Variants in CSMD1 observed in about 807,000 individuals in gnomAD.
CSMD1 encodes the protein CUB and Sushi multiple domains 1.
A neutral mutation model predicts 417.5 loss-of-function variants in CSMD1; 213 were observed. That is an observed-to-expected ratio of 0.51 (90% CI 0.46 to 0.57). The LOEUF (loss-of-function observed/expected upper bound fraction) is 0.57. Ranked by LOEUF, CSMD1 falls within the 20% of genes least tolerant of loss-of-function variation. The pLI, the probability that CSMD1 is intolerant of heterozygous loss-of-function variation, is 0.00. For missense variants in CSMD1, 6,923 were observed against 4,529.7 expected (o/e 1.53, Z -15.17); for synonymous variants, 2,862 against 1,736.8 (o/e 1.65, Z -16.11).
rs572327293 is a variant in CSMD1, at chr8:3,704,145, A to T, written c.1009+4269T>A. On this transcript the variant is annotated intron_variant, in intron 7 of 69. Coordinates refer to ENST00000635120, the MANE Select transcript of CSMD1 (RefSeq NM_033225.6). ...CAGTCCTCCATCACTGTGGCAGAAG[A>T]AAAAAACCAGTCAGTTAGACAGTGA... Among the ~76,000 whole-genome samples, 21 of 152,250 alleles carry T rather than the reference A, an allele frequency of 1.4e-4. No individual in the cohort carries two copies. In the South Asian group the frequency reaches 2.9e-3, roughly 21 times the overall value.
chr8:3,841,585 T>C (rs1377591338), intron 5 of CSMD1, among the ~76,000 whole-genome samples: 1 of 152,048 alleles, frequency 6.6e-6, no homozygotes. Context: ...AATCACCAAA[T>C]ATTAGCACTA....
chr8:4,825,880 T>G (rs561826793), intron 1 of CSMD1, among the ~76,000 whole-genome samples: 7 of 150,806 alleles, frequency 4.6e-5, no homozygotes, highest in Non-Finnish European at 1.0e-4. Context: ...AATAAGCACA[T>G]GAAAAGGTGC....
At chr8:3,695,952 A>G (rs1046686848) in intron 7 of CSMD1, among the ~76,000 whole-genome samples, 2 of 152,206 alleles carry the variant, frequency 1.3e-5, no homozygotes, top group Admixed American at 6.5e-5. Context: ...CAGACCTTCC[A>G]AAAACTACAC....
At chr8:4,349,983 G>A (rs935337967) in intron 3 of CSMD1, among the ~76,000 whole-genome samples, 8 of 152,048 alleles carry the variant, frequency 5.3e-5, no homozygotes, top group Non-Finnish European at 1.2e-4. Context: ...GGGATCCAAA[G>A]TAATAGCTTT....
chr8:3,949,365 C>T (rs760797653), intron 5 of CSMD1, among the ~76,000 whole-genome samples: 1 of 152,168 alleles, frequency 6.6e-6, no homozygotes, highest in African/African-American at 2.4e-5. Flanking sequence ...CTCAATCTCA[C>T]AGTCCCTGGA....
At chr8:4,843,288 A>G (rs1800945727) in intron 1 of CSMD1, among the ~76,000 whole-genome samples, 1 of 152,154 alleles carries the variant, frequency 6.6e-6, no homozygotes, top group South Asian at 2.1e-4. Context: ...ATGGCCCAGT[A>G]CTTGTACCAG....
chr8:3,589,386 GT>G (rs1800746295), intron 8 of CSMD1, among the ~76,000 whole-genome samples: 4 of 146,590 alleles, frequency 2.7e-5, no homozygotes, highest in African/African-American at 1.1e-4. Context: ...TGTGGTGTGT[GT>G]GTGTGTGTGT....
At chr8:3,418,097 A>G (rs751804730) in intron 12 of CSMD1, among the ~76,000 whole-genome samples, 13 of 152,188 alleles carry the variant, frequency 8.5e-5, no homozygotes, top group Non-Finnish European at 1.0e-4. Context: ...ATGAAATACC[A>G]TGTTTGCTTT....
chr8:4,350,220 C>A (rs1041315565), intron 3 of CSMD1, among the ~76,000 whole-genome samples: 1 of 152,208 alleles, frequency 6.6e-6, no homozygotes, highest in Non-Finnish European at 1.5e-5. Context: ...GTCAAGCGTC[C>A]AGGCACCTGC....
chr8:4,283,382 G>A (rs1796894479), intron 3 of CSMD1, among the ~76,000 whole-genome samples: 1 of 152,160 alleles, frequency 6.6e-6, no homozygotes, highest in African/African-American at 2.4e-5. Flanking sequence ...AAGGGTATGT[G>A]TGCCATGAAG....
intron 2 of CSMD1, among the ~76,000 whole-genome samples, chr8:4,625,394 G>A (rs1802037562): frequency 1.3e-5 from 2 of 152,054 alleles, no homozygotes; most frequent in Non-Finnish European, 2.9e-5. Context: ...TAAGAAACAT[G>A]CACTGCATTT....
intron 49 of CSMD1, among the ~76,000 whole-genome samples, chr8:3,072,452 G>C (rs1399327747): frequency 1.3e-5 from 2 of 152,086 alleles, no homozygotes; most frequent in African/African-American, 4.8e-5. Flanking sequence ...ATGCCAAGGA[G>C]GTATTATTTT....
rs562009706 is a variant in CSMD1, at chr8:4,243,995, C to T, written c.415+175958G>A. ...GGGTTACAGTGGCAGAATTTCAGTC[C>T]CTGCCATGGAGTGGGAAGCTGCATT... On this transcript the variant is annotated intron_variant, in intron 3 of 69. Transcript: ENST00000635120. Among the ~76,000 whole-genome samples the T allele has an allele frequency of 1.2e-3, 181 of 152,228 alleles. 1 individual carries two copies. The highest frequency in any genetic ancestry group is 6.9e-4 in the Non-Finnish European group (47 of 68,032).
intron 50 of CSMD1, among the ~76,000 whole-genome samples, chr8:3,038,718 T>A (rs1023582421): frequency 2.6e-5 from 4 of 152,232 alleles, no homozygotes; most frequent in African/African-American, 7.2e-5. Flanking sequence ...TAAGTATTCT[T>A]TCCTAATTGC....
intron 1 of CSMD1, among the ~76,000 whole-genome samples, chr8:4,748,408 G>C (rs1353140797): frequency 1.3e-5 from 2 of 152,216 alleles, no homozygotes; most frequent in African/African-American, 2.4e-5. Flanking sequence ...AACTAAGGAA[G>C]TCACATTTTA....
chr8:2,944,253 G>A (rs766146114), intron 68 of CSMD1, among the ~76,000 whole-genome samples: 9 of 152,178 alleles, frequency 5.9e-5, no homozygotes, highest in Non-Finnish European at 1.2e-4. Flanking sequence ...TATTGGAAGC[G>A]AGGGACGCAA....
chr8:3,307,877 T>A (rs894654321), intron 24 of CSMD1, 56 bp from the exon 25 acceptor site: 1 of 1,571,826 alleles, frequency 6.4e-7, no homozygotes, highest in Non-Finnish European at 8.6e-7. Context: ...CATGTTTCTA[T>A]TTAGCTACTT....
chr8:4,071,609 T>C (rs1345001710), intron 3 of CSMD1, among the ~76,000 whole-genome samples: 2 of 152,168 alleles, frequency 1.3e-5, no homozygotes, highest in Non-Finnish European at 2.9e-5. Flanking sequence ...TTTGGGGGCC[T>C]TTTAGTTTTT....
rs78246683 is a variant in CSMD1, at chr8:4,749,459, C to G, written c.86-111901G>C. Among the ~76,000 whole-genome samples the G allele has an allele frequency of 8.3e-3, 1,262 of 152,286 alleles. 17 individuals are homozygous for G. The highest frequency in any genetic ancestry group is 0.029 in the African/African-American group (1,214 of 41,556). ...TTTGGCCATGGAAATAAGGTTAAGA[C>G]CCTTCTTGAGAAAGGAATTCCAAGA... On this transcript the variant is annotated intron_variant, in intron 1 of 69. Coordinates refer to ENST00000635120, the MANE Select transcript of CSMD1 (RefSeq NM_033225.6).
Sources: gnomAD v4.1 joint callset for allele counts (sites outside exome capture counted in the v4.1 genomes callset) on GRCh38, gnomAD v4.1.1 for gene constraint, MANE v1.5 for transcripts, NCBI Gene and HGNC (gene_info 2026-07-23, HGNC 2026-07-21) for gene names.